Variants in MAP2K5 observed in about 807,000 individuals in gnomAD.
The protein encoded by MAP2K5 is dual specificity mitogen-activated protein kinase kinase 5.
A neutral mutation model predicts 83.1 loss-of-function variants in MAP2K5; 49 were observed. The ratio of observed to expected loss-of-function variants is 0.59; its 90% CI spans 0.47 to 0.75. MAP2K5 has a LOEUF of 0.75. Among genes scored for constraint, MAP2K5 ranks in the 30% least tolerant of loss-of-function variants. The pLI is 0.00. For synonymous variants in MAP2K5, 202 were observed against 191.8 expected (o/e 1.05, Z -0.44); for missense variants, 457 against 557.5 (o/e 0.82, Z 1.82).
At position 67,698,346 on chromosome 15, in the gene MAP2K5, C is replaced by T. The variant is rs1465029995; in HGVS notation, c.972+4778C>T. Among the ~76,000 whole-genome samples, 2 of 152,030 alleles carry T rather than the reference C, an allele frequency of 1.3e-5. No individual in the cohort carries two copies. The highest frequency in any genetic ancestry group is 4.8e-5 in the African/African-American group (2 of 41,382). On this transcript the variant is annotated intron_variant, in intron 15 of 21. Transcript: ENST00000178640. This position sits in a 1 kb window ranked among gnomAD's most constrained non-coding sequence, Gnocchi z 4.5. The stretch of plus-strand genomic sequence containing the variant: ...GGGATTACAGGCGTGCACCACCACG[C>T]CCGGCTAATTTTTGTATTTTTAGTA...
intron 21 of MAP2K5, among the ~76,000 whole-genome samples, chr15:67,792,854 C>T (rs1326475016): frequency 1.3e-5 from 2 of 152,190 alleles, no homozygotes; most frequent in Non-Finnish European, 2.9e-5. Context: ...TTCAGAGGAT[C>T]GGCAAGCTTG....
chr15:67,543,458 C>T lies in MAP2K5; in HGVS notation c.123C>T (p.Phe41=). The T allele has an allele frequency of 6.2e-7, 1 of 1,614,186 alleles. No homozygotes were observed. Among genetic ancestry groups the T allele is most frequent in the East Asian group, 2.2e-5 (1 of 44,880 alleles). ...TGCACTCCGGGCCGCAGTTACTCTT[C>T]AGGGATGTGCTGGTGAGTGGTAATC... The part of the protein sequence containing the change: ...WTVHSGPQLL[F]RDVLDVIGQV... The change falls in exon 1 of 22, where the codon TTC becomes TTT. Residue 41 remains phenylalanine (F), a synonymous_variant. Coordinates refer to ENST00000178640, the MANE Select transcript of MAP2K5 (RefSeq NM_145160.3). This position sits in a 1 kb window ranked among gnomAD's most constrained non-coding sequence, Gnocchi z 4.3.
intron 8 of MAP2K5, among the ~76,000 whole-genome samples, chr15:67,611,318 C>T (rs907512770): frequency 2.0e-5 from 3 of 151,974 alleles, no homozygotes; most frequent in Non-Finnish European, 4.4e-5. Flanking sequence ...ACACATGTAC[C>T]GAGTTAAGTT....
intron 7 of MAP2K5, among the ~76,000 whole-genome samples, chr15:67,596,912 C>T (rs547894011): frequency 3.3e-5 from 5 of 152,302 alleles, no homozygotes; most frequent in African/African-American, 1.2e-4. Flanking sequence ...TGGCTCACGC[C>T]TGTAATCCCA....
At chr15:67,576,821 G>A (rs1242969684) in intron 3 of MAP2K5, among the ~76,000 whole-genome samples, 1 of 147,168 alleles carries the variant, frequency 6.8e-6, no homozygotes, top group Non-Finnish European at 1.5e-5. Flanking sequence ...ATGAGGAGGT[G>A]TACTTTTAAA....
intron 17 of MAP2K5, among the ~76,000 whole-genome samples, chr15:67,743,794 T>G (rs1244526371): frequency 6.6e-6 from 1 of 152,232 alleles, no homozygotes; most frequent in East Asian, 1.9e-4. Context: ...AAAATAAACA[T>G]GGCTCCTGAA....
intron 16 of MAP2K5, among the ~76,000 whole-genome samples, chr15:67,709,548 A>T (rs2088639802): frequency 6.6e-6 from 1 of 151,742 alleles, no homozygotes; most frequent in Non-Finnish European, 1.5e-5. Flanking sequence ...TAAGGGCTTT[A>T]CCAAGTTTGA....
chr15:67,796,070 T>C (rs550776303), intron 21 of MAP2K5, among the ~76,000 whole-genome samples: 4 of 152,368 alleles, frequency 2.6e-5, no homozygotes, highest in African/African-American at 9.6e-5. Flanking sequence ...TATCCTTTAC[T>C]TCTGTGCTCT....
chr15:67,557,470 A>G (rs2084651571), intron 2 of MAP2K5, among the ~76,000 whole-genome samples: 1 of 152,252 alleles, frequency 6.6e-6, no homozygotes, highest in South Asian at 2.1e-4. Context: ...TGGTTATAGA[A>G]TAAATATTTA....
intron 4 of MAP2K5, among the ~76,000 whole-genome samples, chr15:67,585,536 G>A (rs1325179655): frequency 6.6e-6 from 1 of 152,166 alleles, no homozygotes; most frequent in Non-Finnish European, 1.5e-5. Flanking sequence ...TCTTTTCAAA[G>A]TAGTTTAAGT....
chr15:67,645,403 G>T (rs948345367), intron 9 of MAP2K5, among the ~76,000 whole-genome samples: 1 of 146,260 alleles, frequency 6.8e-6, no homozygotes, highest in African/African-American at 2.5e-5. Flanking sequence ...GTTTAAGTCT[G>T]GGAGGCAGAG....
In MAP2K5 at chr15:67,565,597, T is replaced by C. The variant is rs564549132; in HGVS notation, c.252+2247T>C. On this transcript the variant is annotated intron_variant, in intron 3 of 21. Coordinates refer to ENST00000178640, the MANE Select transcript of MAP2K5 (RefSeq NM_145160.3). The surrounding 1 kb of genome is among the most constrained non-coding windows in gnomAD (Gnocchi z 4.1). ...TACCTTAGTTGTGATTTCTGCACCA[T>C]GTATTCCTTACAGCATATGCTTATT... Among the ~76,000 whole-genome samples the C allele has an allele frequency of 6.6e-6, 1 of 152,286 alleles. No individual in the cohort carries two copies. Among genetic ancestry groups the C allele is most frequent in the Admixed American group, 6.5e-5 (1 of 15,302 alleles).
In MAP2K5 at chr15:67,562,196, CT is replaced by C. The variant is rs1361886251; in HGVS notation, c.185-1086del. Among the ~76,000 whole-genome samples the C allele has an allele frequency of 6.6e-6, 1 of 152,218 alleles. No homozygotes were observed. The highest frequency in any genetic ancestry group is 6.5e-5 in the Admixed American group (1 of 15,280). On this transcript the variant is annotated intron_variant, in intron 2 of 21. Coordinates refer to ENST00000178640, the MANE Select transcript of MAP2K5 (RefSeq NM_145160.3). The surrounding 1 kb of genome is among the most constrained non-coding windows in gnomAD (Gnocchi z 4.1). ...CAGACGTTTTTGGCATTTCTTTCAA[CT>C]GTGCATTTACAGTCTACTACATAGG...
In MAP2K5 at chr15:67,582,055, ATTTCTT is replaced by A. The variant is rs1322793642; in HGVS notation, c.322+1236_322+1241del. Among the ~76,000 whole-genome samples, 885 of 134,880 alleles carry A rather than the reference ATTTCTT, an allele frequency of 6.6e-3. 11 individuals carry two copies. Among genetic ancestry groups the A allele is most frequent in the Non-Finnish European group, 7.0e-3 (443 of 63,092 alleles). 88.5% of individuals were successfully genotyped at this position (134,880 alleles called of 152,430 possible). ...TAGTCCAATGATTAGGATGTAGATG[ATTTCTT>A]TTTTTTTTTTTTTTTTTTCGAGACA... On this transcript the variant is annotated intron_variant, in intron 4 of 21. Coordinates refer to ENST00000178640, the MANE Select transcript of MAP2K5 (RefSeq NM_145160.3).
intron 11 of MAP2K5, among the ~76,000 whole-genome samples, chr15:67,654,873 C>A (rs114641379): frequency 6.6e-6 from 1 of 151,836 alleles, no homozygotes; most frequent in Non-Finnish European, 1.5e-5. Context: ...TTAGCCTGGC[C>A]GAGTTGGTGA....
At chr15:67,752,673 C>T (rs532276294) in intron 19 of MAP2K5, among the ~76,000 whole-genome samples, 1 of 146,024 alleles carries the variant, frequency 6.8e-6, no homozygotes, top group African/African-American at 2.5e-5. Flanking sequence ...GCAAGACACC[C>T]TCTCAAAAAA....
At chr15:67,615,966 T>C (rs1049335894) in intron 8 of MAP2K5, among the ~76,000 whole-genome samples, 8 of 152,204 alleles carry the variant, frequency 5.3e-5, no homozygotes, top group African/African-American at 1.9e-4. Flanking sequence ...CTCAGATTCC[T>C]TGTTTTAAGT....
chr15:67,784,642 G>A (rs2090385983), intron 21 of MAP2K5, among the ~76,000 whole-genome samples: 1 of 152,224 alleles, frequency 6.6e-6, no homozygotes, highest in Admixed American at 6.5e-5. Flanking sequence ...ATTACCAACA[G>A]TTTGCACCTG....
In MAP2K5 at chr15:67,719,188, A is replaced by G. The variant is rs1228195246; in HGVS notation, c.1045-8728A>G. ...AAGAAATAAGTCATCTAAATTCATC[A>G]TAATGGTTAAATATGTGAAAATGGT... On this transcript the variant is annotated intron_variant, in intron 16 of 21. Transcript: ENST00000178640. This position sits in a 1 kb window ranked among gnomAD's most constrained non-coding sequence, Gnocchi z 4.6. Among the ~76,000 whole-genome samples, 2 of 152,152 alleles carry G rather than the reference A, an allele frequency of 1.3e-5. No individual in the cohort carries two copies. The highest frequency in any genetic ancestry group is 4.8e-5 in the African/African-American group (2 of 41,432).
Sources: allele counts gnomAD v4.1 joint callset (sites outside exome capture counted in the v4.1 genomes callset), GRCh38; gene constraint gnomAD v4.1.1; non-coding constraint Gnocchi (gnomAD v3.1); transcripts MANE v1.5; gene names NCBI Gene and HGNC (gene_info 2026-07-23, HGNC 2026-07-21).